Variants in KCND2 observed in about 807,000 individuals in gnomAD.
KCND2 encodes A-type voltage-gated potassium channel KCND2.
KCND2 carries 16 observed loss-of-function variants against 54.4 expected under a neutral mutation model. That is an observed-to-expected ratio of 0.29 (90% CI 0.20 to 0.45). The LOEUF (loss-of-function observed/expected upper bound fraction) is 0.45. KCND2 is among the 20% of genes least tolerant of loss of function. The pLI is 1.00. For missense variants in KCND2, 486 were observed against 824.2 expected (o/e 0.59, Z 5.02); for synonymous variants, 317 against 310.7 (o/e 1.02, Z -0.21).
chr7:120,469,462 A>C (rs1258930645), intron 1 of KCND2, among the ~76,000 whole-genome samples: 1 of 152,094 alleles, frequency 6.6e-6, no homozygotes, highest in Admixed American at 6.6e-5. Flanking sequence ...TTAGCTCCCC[A>C]GTGCCAGAAA....
intron 1 of KCND2, among the ~76,000 whole-genome samples, chr7:120,607,395 A>G (rs1030006774): frequency 2.6e-5 from 4 of 152,158 alleles, no homozygotes; most frequent in Admixed American, 6.6e-5. Context: ...ATATTCATGG[A>G]CATTCTATTT....
chr7:120,652,914 T>C (rs906756587), intron 1 of KCND2, among the ~76,000 whole-genome samples: 2 of 152,222 alleles, frequency 1.3e-5, no homozygotes, highest in Non-Finnish European at 2.9e-5. Context: ...TATTATACTT[T>C]TTAATCATGT....
intron 1 of KCND2, among the ~76,000 whole-genome samples, chr7:120,621,582 T>A (rs1044987123): frequency 2.4e-4 from 37 of 152,246 alleles, no homozygotes; most frequent in African/African-American, 8.7e-4. Context: ...TTTAAAAAAA[T>A]TTAAGATCTA....
intron 1 of KCND2, among the ~76,000 whole-genome samples, chr7:120,498,372 C>G (rs1411023909): frequency 6.6e-6 from 1 of 150,494 alleles, no homozygotes; most frequent in African/African-American, 2.5e-5. Context: ...CCCAGCTACT[C>G]AGGATGCTGA....
intron 1 of KCND2, among the ~76,000 whole-genome samples, chr7:120,611,942 G>A (rs1406112843): frequency 6.6e-6 from 1 of 152,150 alleles, no homozygotes; most frequent in Non-Finnish European, 1.5e-5. Context: ...TAGTTCTGCT[G>A]AATTTTCCGT....
intron 1 of KCND2, among the ~76,000 whole-genome samples, chr7:120,650,590 C>T (rs1297656988): frequency 2.1e-5 from 3 of 143,464 alleles, no homozygotes; most frequent in Admixed American, 6.8e-5. Context: ...GAAGTTTGAT[C>T]GTCTGAAGCC....
intron 1 of KCND2, among the ~76,000 whole-genome samples, chr7:120,471,769 A>G (rs537738775): frequency 3.9e-5 from 6 of 152,234 alleles, no homozygotes; most frequent in East Asian, 1.9e-4. Context: ...ACAGAGTACT[A>G]GAGTCAACAT....
At chr7:120,742,308 A>G in intron 3 of KCND2, 1 of 565,512 alleles carries the variant, frequency 1.8e-6, no homozygotes, top group Non-Finnish European at 3.2e-6. Flanking sequence ...AGGCATGTCT[A>G]AAAGACCAGA....
intron 1 of KCND2, among the ~76,000 whole-genome samples, chr7:120,467,228 G>C (rs574292433): frequency 5.3e-5 from 8 of 152,274 alleles, no homozygotes; most frequent in African/African-American, 1.7e-4. Context: ...ACATAGGTTA[G>C]AGGAAGAAGA....
At chr7:120,568,567 C>T (rs958369926) in intron 1 of KCND2, among the ~76,000 whole-genome samples, 3 of 152,102 alleles carry the variant, frequency 2.0e-5, no homozygotes, top group Non-Finnish European at 4.4e-5. Context: ...ATGTTCCAGC[C>T]ATGGAAATAT....
At chr7:120,572,881 G>C (rs1792383487) in intron 1 of KCND2, among the ~76,000 whole-genome samples, 1 of 152,182 alleles carries the variant, frequency 6.6e-6, no homozygotes, top group African/African-American at 2.4e-5. Context: ...GGAATCTAAG[G>C]AGGGAGATTA....
intron 1 of KCND2, among the ~76,000 whole-genome samples, chr7:120,497,725 A>G (rs1466871357): frequency 6.6e-6 from 1 of 152,208 alleles, no homozygotes; most frequent in South Asian, 2.1e-4. Flanking sequence ...TCGGAGCACT[A>G]GTATGGTTTA....
intron 1 of KCND2, among the ~76,000 whole-genome samples, chr7:120,681,596 C>T (rs960764572): frequency 2.0e-5 from 3 of 151,602 alleles, no homozygotes; most frequent in East Asian, 3.9e-4. Context: ...GTATGTATTG[C>T]GGTTTCAATA....
chr7:120,497,481 A>G (rs1027849494), intron 1 of KCND2, among the ~76,000 whole-genome samples: 6 of 152,208 alleles, frequency 3.9e-5, no homozygotes, highest in African/African-American at 1.4e-4. Context: ...TTACATGTTT[A>G]TTTAAGTTAG....
intron 1 of KCND2, among the ~76,000 whole-genome samples, chr7:120,643,255 A>G (rs181737838): frequency 3.9e-5 from 6 of 152,308 alleles, no homozygotes; most frequent in Admixed American, 3.9e-4. Context: ...GAATGACATT[A>G]ACATAATAAG....
intron 1 of KCND2, among the ~76,000 whole-genome samples, chr7:120,508,891 A>ATTTGTTT (rs1803069852): frequency 1.4e-5 from 2 of 138,250 alleles, no homozygotes; most frequent in African/African-American, 5.5e-5. Context: ...GCCTTTCACG[A>ATTTGTTT]TTTTTTTTTT....
intron 1 of KCND2, among the ~76,000 whole-genome samples, chr7:120,696,020 C>T (rs1416975912): frequency 6.6e-6 from 1 of 152,144 alleles, no homozygotes; most frequent in Non-Finnish European, 1.5e-5. Flanking sequence ...TATTTAATAG[C>T]TTCAATGGAA....
At chr7:120,474,847 A>G (rs1271097629) in intron 1 of KCND2, among the ~76,000 whole-genome samples, 1 of 152,094 alleles carries the variant, frequency 6.6e-6, no homozygotes, top group African/African-American at 2.4e-5. Flanking sequence ...AAGCAGAAGC[A>G]TGATCATCTT....
intron 1 of KCND2, among the ~76,000 whole-genome samples, chr7:120,369,457 A>G (rs1036237802): frequency 2.0e-5 from 3 of 152,092 alleles, no homozygotes; most frequent in African/African-American, 4.8e-5. Flanking sequence ...CCTTCAGGAA[A>G]TATATGAAAT....
Sources: allele counts gnomAD v4.1 joint callset (sites outside exome capture counted in the v4.1 genomes callset), GRCh38; gene constraint gnomAD v4.1.1; transcripts MANE v1.5; gene names NCBI Gene and HGNC (gene_info 2026-07-23, HGNC 2026-07-21).